The following RAET1E variants were observed in gnomAD, a reference collection of about 807,000 sequenced individuals.
RAET1E encodes the protein NKG2D ligand 4.
RAET1E carries 27 observed loss-of-function variants against 21.1 expected under a neutral mutation model. The observed-to-expected ratio is 1.28, with a 90% CI of 0.94 to 1.76. The LOEUF (loss-of-function observed/expected upper bound fraction) is 1.76, where lower values mean the gene tolerates loss of function less well. Among genes scored for constraint, RAET1E ranks in the 40% most tolerant of loss-of-function variants. The pLI is 0.00. For missense variants in RAET1E, 310 were observed against 311.3 expected (o/e 1.00, Z 0.03); for synonymous variants, 113 against 115.0 (o/e 0.98, Z 0.11).
chr6:149,888,797 T>C, intron 5 of RAET1E, 130 bp from the exon 6 acceptor site: 1 of 1,340,836 alleles, frequency 7.5e-7, no homozygotes, highest in Non-Finnish European at 9.9e-7. Flanking sequence ...CACTGGCTCA[T>C]GTGACAGCCA....
In RAET1E at chr6:149,890,857, CAAA is replaced by C; in HGVS notation, c.42_44del (p.Leu15del). On this transcript the variant is annotated inframe_deletion, in exon 3 of 6. Transcript: ENST00000357183. ...AGGCTATTAGTAGCAACAGCAGAAACAAAAGAAGGCGCACAGGGCTAGAAGTCA... is the reference window on the plus strand; with the variant it reads ...AGGCTATTAGTAGCAACAGCAGAAACAGAAGGCGCACAGGGCTAGAAGTCA... 2 of 1,613,854 alleles carry C rather than the reference CAAA, an allele frequency of 1.2e-6. No homozygotes were observed. The highest frequency in any genetic ancestry group is 2.2e-5 in the South Asian group (2 of 91,056).
At chr6:149,897,278 TC>T (rs1778151877) in intron 1 of RAET1E, among the ~76,000 whole-genome samples, 1 of 151,812 alleles carries the variant, frequency 6.6e-6, no homozygotes, top group Non-Finnish European at 1.5e-5. Flanking sequence ...CAAACAATCC[TC>T]CCCCCTCAGC....
intron 2 of RAET1E, among the ~76,000 whole-genome samples, chr6:149,894,852 G>A (rs181988970): frequency 6.6e-6 from 1 of 152,092 alleles, no homozygotes; most frequent in Non-Finnish European, 1.5e-5. Flanking sequence ...AGGAGGAGAG[G>A]CGTTCTTGTT....
Position 149,890,963 on chromosome 6 carries a change from A to G in RAET1E, c.-62T>C. ...CACATTCACCCTCACTGGTATGGTGAAGAAATGTTATCCAACAGCGTGGGT... is the reference window on the plus strand; with the variant it reads ...CACATTCACCCTCACTGGTATGGTGGAGAAATGTTATCCAACAGCGTGGGT... On this transcript the variant is annotated 5_prime_UTR_variant, in exon 3 of 6. Coordinates refer to ENST00000357183, the MANE Select transcript of RAET1E (RefSeq NM_001394057.1). The G allele has an allele frequency of 2.5e-6, 3 of 1,200,234 alleles. No individual in the cohort carries two copies. The South Asian group carries it at 3.7e-5, about 15-fold the overall frequency. 74.3% of individuals were successfully genotyped at this position (1,200,234 alleles called of 1,614,324 possible).
In RAET1E at chr6:149,888,216, G is replaced by A. The variant is rs376129623; in HGVS notation, c.*282C>T. The A allele has an allele frequency of 1.8e-5, 12 of 653,196 alleles. No homozygotes were observed. The highest frequency in any genetic ancestry group is 8.5e-5 in the South Asian group (6 of 70,464). The allele number at this position is 653,196 out of a possible 1,614,324, so 40.5% of individuals were successfully genotyped here. ...CCTGCTGAGCTAAATCACGGTAAACGCAGACAGCAAACAAACTTTCCGTCA... is the reference window on the plus strand; with the variant it reads ...CCTGCTGAGCTAAATCACGGTAAACACAGACAGCAAACAAACTTTCCGTCA... On this transcript the variant is annotated 3_prime_UTR_variant, in exon 6 of 6. Coordinates refer to ENST00000357183, the MANE Select transcript of RAET1E (RefSeq NM_001394057.1).
rs145997966 is a variant in RAET1E, at chr6:149,886,362, A to G, written c.*2136T>C. On this transcript the variant is annotated 3_prime_UTR_variant, in exon 6 of 6. Transcript: ENST00000357183. Reference sequence around the variant, plus strand: ...ATTGTGCTTGGACAAGATGCTTCGCATGATTTTAACCCTTTACATATGTTG... The same window carrying G: ...ATTGTGCTTGGACAAGATGCTTCGCGTGATTTTAACCCTTTACATATGTTG... Among the ~76,000 whole-genome samples, 378 of 152,272 alleles carry G rather than the reference A, an allele frequency of 2.5e-3. No individual in the cohort carries two copies. The highest frequency in any genetic ancestry group is 8.5e-3 in the African/African-American group (353 of 41,548).
chr6:149,886,383 T>C lies in RAET1E; in HGVS notation c.*2115A>G, dbSNP rs1777609284. Among the ~76,000 whole-genome samples, 1 of 152,166 alleles carries C rather than the reference T, an allele frequency of 6.6e-6. No homozygotes were observed. The highest frequency in any genetic ancestry group is 1.5e-5 in the Non-Finnish European group (1 of 68,010). On this transcript the variant is annotated 3_prime_UTR_variant, in exon 6 of 6. Transcript: ENST00000357183. ...TCGCATGATTTTAACCCTTTACATATGTTGAGATTTATTTATTTATTTATT... is the reference window on the plus strand; with the variant it reads ...TCGCATGATTTTAACCCTTTACATACGTTGAGATTTATTTATTTATTTATT...
Position 149,888,039 on chromosome 6 carries a change from T to C in RAET1E, c.*459A>G. 1 of 373,096 alleles carries C rather than the reference T, an allele frequency of 2.7e-6. No individual in the cohort carries two copies. 23.1% of individuals were successfully genotyped at this position (373,096 alleles called of 1,614,324 possible). ...CAACATGGAGAAACCCCATCTCTAC[T>C]AAAAATGTAGGATGTAGTTCGGCAC... is the stretch of plus-strand genomic sequence containing the variant. On this transcript the variant is annotated 3_prime_UTR_variant, in exon 6 of 6. Transcript: ENST00000357183.
Position 149,883,685 on chromosome 6 carries a change from A to C in RAET1E, c.*4813T>G, listed in dbSNP as rs1259843580. On this transcript the variant is annotated 3_prime_UTR_variant, in exon 6 of 6. Coordinates refer to ENST00000357183, the MANE Select transcript of RAET1E (RefSeq NM_001394057.1). ...ACACTCCAGCCTGGGAGATAGAGTG[A>C]GACTCTGTCTCAAAAAAACAAACAA... 6.4e-6 allele frequency: 1 copy of C among 156,312 alleles called. No individual in the cohort carries two copies. Among genetic ancestry groups the C allele is most frequent in the Non-Finnish European group, 1.4e-5 (1 of 71,604 alleles). 9.7% of individuals were successfully genotyped at this position (156,312 alleles called of 1,614,324 possible). A position where few individuals can be genotyped will look rare whatever the true frequency, so the allele number is the denominator to read the frequency against.
In RAET1E at chr6:149,890,965, G is replaced by T; in HGVS notation, c.-64C>A. 8.4e-7 allele frequency: 1 copy of T among 1,185,798 alleles called. No homozygotes were observed. Among genetic ancestry groups the T allele is most frequent in the Non-Finnish European group, 1.3e-6 (1 of 796,556 alleles). 73.5% of individuals were successfully genotyped at this position (1,185,798 alleles called of 1,614,324 possible). A position where few individuals can be genotyped will look rare whatever the true frequency, so the allele number is the denominator to read the frequency against. ...CATTCACCCTCACTGGTATGGTGAAGAAATGTTATCCAACAGCGTGGGTGT... is the reference window on the plus strand; with the variant it reads ...CATTCACCCTCACTGGTATGGTGAATAAATGTTATCCAACAGCGTGGGTGT... On this transcript the variant is annotated 5_prime_UTR_variant, in exon 3 of 6. Coordinates refer to ENST00000357183, the MANE Select transcript of RAET1E (RefSeq NM_001394057.1).
Position 149,888,561 on chromosome 6 carries a change from G to A in RAET1E, c.729C>T (p.Leu243=). ...CACCATTTTGCCACCAGACACAGATGAGAACAATTCCCATTAAAACTAACA... is the reference window on the plus strand; with the variant it reads ...CACCATTTTGCCACCAGACACAGATAAGAACAATTCCCATTAAAACTAACA... ...FILLVLMGIV[L]ICVWWQNGEW... The change falls in exon 6 of 6, where the codon CTC becomes CTT. Residue 243 remains leucine, a synonymous_variant. Transcript: ENST00000357183. 7 of 1,612,568 alleles carry A rather than the reference G, an allele frequency of 4.3e-6. No homozygotes were observed. The highest frequency in any genetic ancestry group is 5.9e-6 in the Non-Finnish European group (7 of 1,179,648).
chr6:149,888,350 C>T lies in RAET1E; in HGVS notation c.*148G>A. 2 of 953,036 alleles carry T rather than the reference C, an allele frequency of 2.1e-6. No individual in the cohort carries two copies. Among genetic ancestry groups the T allele is most frequent in the South Asian group, 1.5e-5 (1 of 64,874 alleles). 59.0% of individuals were successfully genotyped at this position (953,036 alleles called of 1,614,324 possible). ...GAGAGGAGATGATTGCTTCATCCCTCCTCTCACTGCACATTGTGCTGCCAG... is the reference window on the plus strand; with the variant it reads ...GAGAGGAGATGATTGCTTCATCCCTTCTCTCACTGCACATTGTGCTGCCAG... On this transcript the variant is annotated 3_prime_UTR_variant, in exon 6 of 6. Coordinates refer to ENST00000357183, the MANE Select transcript of RAET1E (RefSeq NM_001394057.1).
In RAET1E at chr6:149,889,361, C is replaced by T. The variant is rs981480331; in HGVS notation, c.609G>A (p.Met203Ile). 2 of 1,614,140 alleles carry T rather than the reference C, an allele frequency of 1.2e-6. No homozygotes were observed. The highest frequency in any genetic ancestry group is 1.7e-6 in the Non-Finnish European group (2 of 1,180,018). ...LREFLGHWEA[M>I]PEPTVSPVNA... The stretch of plus-strand genomic sequence containing the variant: ...CAGCTCAGTTACCTGTCGGTTCTGG[C>T]ATTGCCTCCCAGTGCCCTAAGAATT... The change falls in exon 5 of 6, where the codon ATG (methionine) becomes ATA (isoleucine). Residue 203 changes from methionine (M) to isoleucine (I), a missense_variant. Transcript: ENST00000357183.
At chr6:149,892,945 C>A (rs1274856259) in intron 2 of RAET1E, among the ~76,000 whole-genome samples, 1 of 152,186 alleles carries the variant, frequency 6.6e-6, no homozygotes, top group Admixed American at 6.5e-5. Flanking sequence ...TTTCCCAACA[C>A]CATTTATTAA....
In RAET1E at chr6:149,890,076, G is replaced by A. The variant is rs975723762; in HGVS notation, c.155C>T (p.Ala52Val). Residue 52 changes from alanine to valine, a missense_variant, in exon 4 of 6, where the codon GCG becomes GTG. Physicochemically the swap from Ala to Val is moderately conservative, Grantham distance 64. Coordinates refer to ENST00000357183, the MANE Select transcript of RAET1E (RefSeq NM_001394057.1). The part of the protein sequence containing the change: ...LSRPGQPWCE[A>V]QVFLNKNLFL... The stretch of plus-strand genomic sequence containing the variant: ...AAGATTTTTATTCAAGAAGACCTGC[G>A]CTTCACACCAGGGCTGTCCAGGTCT... 4.3e-6 allele frequency: 7 copies of A among 1,613,760 alleles called. No homozygotes were observed. Among genetic ancestry groups the A allele is most frequent in the Admixed American group, 1.7e-5 (1 of 59,998 alleles).
Position 149,889,341 on chromosome 6 carries a change from CAGTT to C in RAET1E, c.622+3_622+6del, listed in dbSNP as rs1582767607. ...AGCTGCCACATTCTCCCACCCAGCT[CAGTT>C]ACCTGTCGGTTCTGGCATTGCCTCC... On this transcript the variant is annotated splice_donor_5th_base_variant and intron_variant, in intron 5 of 5. Transcript: ENST00000357183. 1.9e-6 allele frequency: 3 copies of C among 1,613,880 alleles called. No individual in the cohort carries two copies. Among genetic ancestry groups the C allele is most frequent in the Middle Eastern group, 3.3e-4 (2 of 6,060 alleles).
Position 149,885,368 on chromosome 6 carries a change from G to A in RAET1E, c.*3130C>T, listed in dbSNP as rs141396955. On this transcript the variant is annotated 3_prime_UTR_variant, in exon 6 of 6. Coordinates refer to ENST00000357183, the MANE Select transcript of RAET1E (RefSeq NM_001394057.1). ...CCTTTGCCTTTCTCCTGTTGGCCAG[G>A]GACAGAGAGGGCTCAACTTGACCCA... 6.6e-6 allele frequency among the ~76,000 whole-genome samples: 1 copy of A among 152,114 alleles called. No homozygotes were observed. Among genetic ancestry groups the A allele is most frequent in the East Asian group, 1.9e-4 (1 of 5,192 alleles).
rs755662905 is a variant in RAET1E, at chr6:149,888,640, T to C, written c.650A>G (p.His217Arg). ...ATCTGGTAGACTAGAAGAAGACCAGTGGATATCTGAAGCATTTACTGGTGA... is the reference window on the plus strand; with the variant it reads ...ATCTGGTAGACTAGAAGAAGACCAGCGGATATCTGAAGCATTTACTGGTGA... Reference protein sequence around the residue: ...TVSPVNASDIHWSSSSLPDRW... With the variant: ...TVSPVNASDIRWSSSSLPDRW... Residue 217 changes from histidine (H) to arginine (R), a missense_variant, in exon 6 of 6, where the codon CAC (histidine) becomes CGC (arginine). His to Arg is a conservative substitution (Grantham distance 29). Transcript: ENST00000357183. 2 of 1,588,506 alleles carry C rather than the reference T, an allele frequency of 1.3e-6. No individual in the cohort carries two copies. Among genetic ancestry groups the C allele is most frequent in the Admixed American group, 3.6e-5 (2 of 54,998 alleles).
chr6:149,888,340 C>T lies in RAET1E; in HGVS notation c.*158G>A. 5.6e-6 allele frequency: 5 copies of T among 897,882 alleles called. No individual in the cohort carries two copies. The highest frequency in any genetic ancestry group is 8.7e-6 in the Non-Finnish European group (5 of 573,698). 55.6% of individuals were successfully genotyped at this position (897,882 alleles called of 1,614,324 possible). ...GCCCCTCCTCGAGAGGAGATGATTG[C>T]TTCATCCCTCCTCTCACTGCACATT... On this transcript the variant is annotated 3_prime_UTR_variant, in exon 6 of 6. Coordinates refer to ENST00000357183, the MANE Select transcript of RAET1E (RefSeq NM_001394057.1).
Sources: gnomAD v4.1 joint callset for allele counts (sites outside exome capture counted in the v4.1 genomes callset) on GRCh38, gnomAD v4.1.1 for gene constraint, MANE v1.5 for transcripts, NCBI Gene and HGNC (gene_info 2026-07-23, HGNC 2026-07-21) for gene names.